ASXL3: variants seen among roughly 807,000 people sequenced by gnomAD.
ASXL3 encodes the protein putative Polycomb group protein ASXL3.
In ASXL3, 34 loss-of-function variants were observed where a neutral mutation model predicts 170.6. The ratio of observed to expected loss-of-function variants is 0.20; its 90% confidence interval spans 0.15 to 0.27. ASXL3 has a LOEUF of 0.27. Among genes scored for constraint, ASXL3 ranks in the 10% least tolerant of loss-of-function variants. The probability of loss-of-function intolerance (pLI) is 1.00; values close to 1 mark genes in which losing one functional copy is unlikely to be tolerated. For missense variants in ASXL3, 2,592 were observed against 2,695.3 expected, an observed-to-expected ratio of 0.96 and a Z score of 0.85; for synonymous variants, 1,002 against 989.1, an observed-to-expected ratio of 1.01 and a Z score of -0.24.
At chr18:33,670,537 A>C in intron 5 of ASXL3, 136 bp from the exon 6 acceptor site, 1 of 585,208 alleles carries the variant, frequency 1.7e-6, no homozygotes, top group Non-Finnish European at 2.8e-6. Context: ...AAGAATCCTG[A>C]GAAATTAGGG....
chr18:33,709,215 A>G (rs896228218), intron 8 of ASXL3, among the ~76,000 whole-genome samples: 2 of 152,020 alleles, frequency 1.3e-5, no homozygotes, highest in Admixed American at 6.5e-5. Flanking sequence ...TCTTTGAAAA[A>G]TGGTTTGACA....
rs1252353384 is a variant in ASXL3 at position 33,713,229 on chromosome 18, GTTTTTTTTGTTTTGTTTTGT to G, written c.880-18730_880-18711del. 8.7e-3 allele frequency among the ~76,000 whole-genome samples: 711 copies of G among 81,728 alleles called. 117 individuals are homozygous for G. The highest frequency in any genetic ancestry group is 0.042 in the African/African-American group (666 of 16,010). 53.6% of individuals were successfully genotyped at this position (81,728 alleles called of 152,430 possible). ...GCAGTTAGCAATCTACCACAAGAAG[GTTTTTTTTGTTTTGTTTTGT>G]TTTTTTTTTTTTTTTTTTTTTTTTT... is the stretch of plus-strand genomic sequence containing the variant. On this transcript the variant is annotated intron_variant, in intron 8 of 11. Transcript: ENST00000269197.
At chr18:33,666,534 A>G (rs749829099) in intron 5 of ASXL3, among the ~76,000 whole-genome samples, 17 of 152,208 alleles carry the variant, frequency 1.1e-4, no homozygotes, top group Non-Finnish European at 2.4e-4. Context: ...AATCTATTCC[A>G]TGAATTTATA....
chr18:33,608,865 G>T (rs2065290554), intron 2 of ASXL3, among the ~76,000 whole-genome samples: 1 of 151,986 alleles, frequency 6.6e-6, no homozygotes, highest in African/African-American at 2.4e-5. Context: ...GGTAACATCA[G>T]CCTCTAGCTG....
intron 1 of ASXL3, among the ~76,000 whole-genome samples, chr18:33,596,161 C>T (rs750243173): frequency 1.8e-4 from 28 of 152,104 alleles, no homozygotes; most frequent in Non-Finnish European, 3.2e-4. Context: ...GGGTAGGCAG[C>T]GGTCATTTCT....
At chr18:33,742,081 C>G (rs748821906) in intron 11 of ASXL3, among the ~76,000 whole-genome samples, 1 of 152,170 alleles carries the variant, frequency 6.6e-6, no homozygotes, top group South Asian at 2.1e-4. Flanking sequence ...AGAAACTGCC[C>G]AATGCATAAA....
At chr18:33,672,841 C>T (rs1285425131) in intron 7 of ASXL3, among the ~76,000 whole-genome samples, 1 of 152,032 alleles carries the variant, frequency 6.6e-6, no homozygotes, top group African/African-American at 2.4e-5. Flanking sequence ...TTTGCTAAAT[C>T]TTGGGACATA....
chr18:33,593,590 G>A (rs969177362), intron 1 of ASXL3, among the ~76,000 whole-genome samples: 3 of 152,144 alleles, frequency 2.0e-5, no homozygotes, highest in East Asian at 3.9e-4. Flanking sequence ...AACCAGACGA[G>A]CGACGTTTGT....
chr18:33,582,740 G>GTGTGTT (rs1555715530), intron 1 of ASXL3, among the ~76,000 whole-genome samples: 106 of 145,536 alleles, frequency 7.3e-4, no homozygotes, highest in African/African-American at 2.5e-3. Context: ...GTGTGTGTGT[G>GTGTGTT]TTTTCTTGGT....
rs560448410 is a variant in ASXL3, at chr18:33,715,548, G to A, written c.880-16420G>A. ...AAGGGTGATTTTGCTGTAGAAATGGGCCCAGTGCTGATTTGTAATTATTGG... is the reference window on the plus strand; with the variant it reads ...AAGGGTGATTTTGCTGTAGAAATGGACCCAGTGCTGATTTGTAATTATTGG... On this transcript the variant is annotated intron_variant, in intron 8 of 11. Transcript: ENST00000269197. Among the ~76,000 whole-genome samples the A allele has an allele frequency of 2.0e-4, 31 of 152,230 alleles. 1 individual carries two copies. In the South Asian group the frequency reaches 6.4e-3, roughly 32 times the overall value.
chr18:33,615,152 A>G (rs1245768137), intron 2 of ASXL3, among the ~76,000 whole-genome samples: 4 of 152,092 alleles, frequency 2.6e-5, no homozygotes, highest in Admixed American at 6.6e-5. Context: ...TACATAGAAA[A>G]TCTATTTCAT....
chr18:33,745,576 C>G lies in ASXL3; in HGVS notation c.5728C>G (p.Leu1910Val), dbSNP rs1419763288. Reference sequence around the variant, plus strand: ...CCCCTCGTGTAGCTTCCAGCAGAACCTATTTCATGTTGACAAGAATGGCGG... The same window carrying G: ...CCCCTCGTGTAGCTTCCAGCAGAACGTATTTCATGTTGACAAGAATGGCGG... The part of the protein sequence containing the change: ...LLPSCSFQQN[L>V]FHVDKNGGFH... Residue 1910 changes from leucine (L) to valine (V), a missense_variant, in exon 12 of 12, where the codon CTA (leucine) becomes GTA (valine). This residue lies in a region of ASXL3 where 2,246 missense variants were observed against 2,219.6 expected (regional missense o/e 1.01). Transcript: ENST00000269197. 1 of 1,614,002 alleles carries G rather than the reference C, an allele frequency of 6.2e-7. No individual in the cohort carries two copies. The highest frequency in any genetic ancestry group is 8.5e-7 in the Non-Finnish European group (1 of 1,179,896).
At chr18:33,741,540 G>A (rs1044618840) in intron 11 of ASXL3, among the ~76,000 whole-genome samples, 2 of 152,088 alleles carry the variant, frequency 1.3e-5, no homozygotes, top group African/African-American at 4.8e-5. Context: ...TTTTACATAG[G>A]AGAAATATTA....
intron 1 of ASXL3, among the ~76,000 whole-genome samples, chr18:33,600,635 G>A (rs549918046): frequency 2.3e-4 from 35 of 152,162 alleles, no homozygotes; most frequent in African/African-American, 7.9e-4. Context: ...TGTGAAAAAG[G>A]AATGCGAAGT....
At chr18:33,665,453 A>C (rs907414295) in intron 5 of ASXL3, among the ~76,000 whole-genome samples, 3 of 152,198 alleles carry the variant, frequency 2.0e-5, no homozygotes, top group African/African-American at 4.8e-5. Flanking sequence ...TTGGTGCCTG[A>C]AACAGCCCGC....
Position 33,644,990 on chromosome 18 carries a change from C to G in ASXL3, c.234C>G (p.Leu78=), listed in dbSNP as rs1484244858. ...TCAAAATCCCTGGAAAGTCAGGCCT[C>G]TATGCTCTCAAAGTAAGTTGCATTG... The part of the protein sequence containing the change: ...TFFKIPGKSG[L]YALKKEESSC... The change falls in exon 3 of 12, where the codon CTC becomes CTG. Residue 78 remains leucine, a synonymous_variant. Transcript: ENST00000269197. The G allele has an allele frequency of 5.8e-6, 9 of 1,549,926 alleles. No individual in the cohort carries two copies. The highest frequency in any genetic ancestry group is 7.9e-6 in the Non-Finnish European group (9 of 1,139,812).
At chr18:33,701,253 A>C (rs1281306618) in intron 8 of ASXL3, among the ~76,000 whole-genome samples, 1 of 151,810 alleles carries the variant, frequency 6.6e-6, no homozygotes, top group African/African-American at 2.4e-5. Context: ...TTTCTTTTTC[A>C]AGATGGTTTT....
chr18:33,606,351 G>A (rs934702603), intron 1 of ASXL3, among the ~76,000 whole-genome samples: 1 of 151,790 alleles, frequency 6.6e-6, no homozygotes, highest in Non-Finnish European at 1.5e-5. Flanking sequence ...AGTAAGGAAG[G>A]GGCTGATCAG....
chr18:33,713,335 A>G (rs2067109406), intron 8 of ASXL3, among the ~76,000 whole-genome samples: 1 of 69,278 alleles, frequency 1.4e-5, no homozygotes, highest in South Asian at 4.6e-4. Context: ...GCTCACTGCA[A>G]CCTCCACCCC....
Sources: gnomAD v4.1 joint callset for allele counts (sites outside exome capture counted in the v4.1 genomes callset) on GRCh38, gnomAD v4.1.1 for gene constraint, gnomAD v4.1.1 regional missense constraint, MANE v1.5 for transcripts, NCBI Gene and HGNC (gene_info 2026-07-23, HGNC 2026-07-21) for gene names.